TSC22D1: variants seen among roughly 807,000 people sequenced by gnomAD.
The protein encoded by TSC22D1 is TSC22 domain family member 1, also known as TSC22 domain family protein 1.
Under a neutral mutation model 74.2 loss-of-function variants are expected in TSC22D1, and 9 were observed. That is an observed-to-expected ratio of 0.12 (90% CI 0.07 to 0.21). The LOEUF is 0.21. Among genes scored for constraint, TSC22D1 ranks in the 10% least tolerant of loss-of-function variants. The pLI is 1.00. For missense variants in TSC22D1, 1,427 were observed against 1,304.7 expected (o/e 1.09, Z -1.44); for synonymous variants, 586 against 492.5 (o/e 1.19, Z -2.51).
intron 1 of TSC22D1, among the ~76,000 whole-genome samples, chr13:44,438,309 C>A (rs915325664): frequency 1.3e-5 from 2 of 152,164 alleles, no homozygotes; most frequent in Non-Finnish European, 2.9e-5. Context: ...ATATGTAATA[C>A]ACGCACATGC....
chr13:44,444,272 C>G (rs550496658), intron 1 of TSC22D1, among the ~76,000 whole-genome samples: 27 of 59,938 alleles, frequency 4.5e-4, no homozygotes, highest in Admixed American at 5.5e-4. Context: ...GAGCAAGACT[C>G]TGTCTCAAAA....
At chr13:44,436,962 T>C (rs1874729349) in intron 1 of TSC22D1, 2 of 1,008,180 alleles carry the variant, frequency 2.0e-6, no homozygotes, top group Admixed American at 5.9e-5. Context: ...TCCTCCCGCT[T>C]CCCTGCTTCC....
At chr13:44,460,568 T>C (rs1006167768) in intron 1 of TSC22D1, among the ~76,000 whole-genome samples, 2 of 152,226 alleles carry the variant, frequency 1.3e-5, no homozygotes, top group Non-Finnish European at 2.9e-5. Flanking sequence ...ATTTATTTGA[T>C]GTCCTAAACT....
In TSC22D1 at chr13:44,575,543, T is replaced by G; in HGVS notation, c.532A>C (p.Asn178His). 6.2e-7 allele frequency: 1 copy of G among 1,614,020 alleles called. No individual in the cohort carries two copies. The highest frequency in any genetic ancestry group is 8.5e-7 in the Non-Finnish European group (1 of 1,180,002). Residue 178 changes from asparagine (N) to histidine (H), a missense_variant, in exon 1 of 3, where the codon AAT becomes CAT. Around this residue, in one of 3 missense-constraint regions of TSC22D1, gnomAD observed 1,343 missense variants for 1,191.5 expected, o/e 1.13. Coordinates refer to ENST00000458659, the MANE Select transcript of TSC22D1 (RefSeq NM_183422.4). ...PERSSSEETL[N>H]NFQEAETPGA... is the part of the protein sequence containing the mutation. ...GGTGTCTCGGCTTCCTGGAAGTTATTTAGGGTCTCTTCTGAGGAGCTGCGT... is the reference window on the plus strand; with the variant it reads ...GGTGTCTCGGCTTCCTGGAAGTTATGTAGGGTCTCTTCTGAGGAGCTGCGT...
intron 1 of TSC22D1, among the ~76,000 whole-genome samples, chr13:44,466,491 G>T (rs370593446): frequency 6.6e-6 from 1 of 152,124 alleles, no homozygotes; most frequent in Non-Finnish European, 1.5e-5. Flanking sequence ...TTCCTTGGCC[G>T]GGCATAGTGG....
intron 1 of TSC22D1, among the ~76,000 whole-genome samples, chr13:44,534,428 G>A (rs1263760496): frequency 6.7e-6 from 1 of 148,588 alleles, no homozygotes; most frequent in Non-Finnish European, 1.5e-5. Flanking sequence ...TCAAAAACAT[G>A]ATGCAGGATT....
At chr13:44,453,658 C>T (rs778889638) in intron 1 of TSC22D1, among the ~76,000 whole-genome samples, 5 of 152,118 alleles carry the variant, frequency 3.3e-5, no homozygotes, top group Non-Finnish European at 5.9e-5. Flanking sequence ...CTAGCAGAAC[C>T]AAAAAGTGGG....
chr13:44,560,590 T>C (rs899807742), intron 1 of TSC22D1, among the ~76,000 whole-genome samples: 2 of 152,204 alleles, frequency 1.3e-5, no homozygotes, highest in African/African-American at 4.8e-5. Context: ...AGAATAACCT[T>C]GCTGCCCTAA....
rs948618899 is a variant in TSC22D1 at position 44,576,253 on chromosome 13, A to C, written c.-179T>G. The C allele has an allele frequency of 1.2e-5, 11 of 913,684 alleles. No homozygotes were observed. In the Admixed American group the frequency reaches 3.4e-4, roughly 28 times the overall value. 56.6% of individuals were successfully genotyped at this position (913,684 alleles called of 1,614,324 possible). ...TCCTGCCTTCGAGAGCGAGCTTCGG[A>C]AAGGAGGATGAACGAGGGTGAACAG... On this transcript the variant is annotated 5_prime_UTR_variant, in exon 1 of 3. Transcript: ENST00000458659.
chr13:44,546,749 C>CGTGTGTGTGTGTGTGTGTGTGTGTGTGT (rs58111185), intron 1 of TSC22D1, among the ~76,000 whole-genome samples: 141 of 146,730 alleles, frequency 9.6e-4, no homozygotes, highest in South Asian at 2.2e-3. Flanking sequence ...GTGTGAAATA[C>CGTGTGTGTGTGTGTGTGTGTGTGTGTGT]GTGTGTGTGT....
At chr13:44,438,944 T>C (rs1874965285) in intron 1 of TSC22D1, among the ~76,000 whole-genome samples, 1 of 152,152 alleles carries the variant, frequency 6.6e-6, no homozygotes, top group African/African-American at 2.4e-5. Context: ...ATTTAAGCTA[T>C]AAAAAGAGCT....
chr13:44,575,312 A>C lies in TSC22D1; in HGVS notation c.763T>G (p.Ser255Ala). Reference sequence around the variant, plus strand: ...GAGAGTTTTCTAGATACTGGGCTTGAGGGTGGCCCACCAGTAATGGATGCA... The same window carrying C: ...GAGAGTTTTCTAGATACTGGGCTTGCGGGTGGCCCACCAGTAATGGATGCA... Reference protein sequence around the residue: ...ASASITGGPPSSPVSRKLSTT... With the variant: ...ASASITGGPPASPVSRKLSTT... The change falls in exon 1 of 3, where the codon TCA becomes GCA. Residue 255 changes from serine to alanine, a missense_variant. Physicochemically the swap from Ser to Ala is moderately conservative, Grantham distance 99. This residue lies in a region of TSC22D1 where 1,343 missense variants were observed against 1,191.5 expected (regional missense o/e 1.13). Coordinates refer to ENST00000458659, the MANE Select transcript of TSC22D1 (RefSeq NM_183422.4). The C allele has an allele frequency of 1.2e-6, 2 of 1,614,148 alleles. No homozygotes were observed. The highest frequency in any genetic ancestry group is 1.7e-6 in the Non-Finnish European group (2 of 1,180,034).
At chr13:44,445,146 G>T (rs1229029955) in intron 1 of TSC22D1, among the ~76,000 whole-genome samples, 1 of 151,696 alleles carries the variant, frequency 6.6e-6, no homozygotes, top group Non-Finnish European at 1.5e-5. Flanking sequence ...ATAACTACTT[G>T]CATTACCACA....
intron 1 of TSC22D1, among the ~76,000 whole-genome samples, chr13:44,480,095 T>C (rs1878108610): frequency 6.6e-6 from 1 of 150,602 alleles, no homozygotes; most frequent in African/African-American, 2.4e-5. Context: ...CTGATAAGTT[T>C]GGATCTTTTT....
At chr13:44,462,858 T>C (rs904606868) in intron 1 of TSC22D1, among the ~76,000 whole-genome samples, 1 of 152,120 alleles carries the variant, frequency 6.6e-6, no homozygotes, top group African/African-American at 2.4e-5. Context: ...TCAGATCCAT[T>C]AGGACGATTA....
chr13:44,572,133 A>T (rs1566183026), intron 1 of TSC22D1, among the ~76,000 whole-genome samples: 1 of 152,184 alleles, frequency 6.6e-6, no homozygotes, highest in African/African-American at 2.4e-5. Flanking sequence ...ATGTCTTTTC[A>T]TAACTCCTAT....
intron 1 of TSC22D1, among the ~76,000 whole-genome samples, chr13:44,548,426 T>TA (rs1443164551): frequency 2.6e-5 from 4 of 152,164 alleles, no homozygotes; most frequent in African/African-American, 4.8e-5. Context: ...AATAAATACT[T>TA]AGTGTATGAT....
intron 1 of TSC22D1, among the ~76,000 whole-genome samples, chr13:44,523,669 C>T (rs1433833723): frequency 9.2e-5 from 14 of 151,972 alleles, no homozygotes; most frequent in Admixed American, 9.2e-4. Context: ...CAGGGAGGAC[C>T]CTGATGACAG....
chr13:44,458,583 C>T (rs1876806192), intron 1 of TSC22D1, among the ~76,000 whole-genome samples: 1 of 152,022 alleles, frequency 6.6e-6, no homozygotes. Context: ...CACTCCCAGG[C>T]ACAGCTGCAG....
Sources: allele counts gnomAD v4.1 joint callset (sites outside exome capture counted in the v4.1 genomes callset), GRCh38; gene constraint gnomAD v4.1.1; regional missense constraint gnomAD v4.1.1; transcripts MANE v1.5; gene names NCBI Gene and HGNC (gene_info 2026-07-23, HGNC 2026-07-21).